The following NFATC2 variants were observed in gnomAD, a reference collection of about 807,000 sequenced individuals.
NFATC2 encodes the protein nuclear factor of activated T cells 2.
In NFATC2, 22 loss-of-function variants were observed where a neutral mutation model predicts 87.3. The ratio of observed to expected loss-of-function variants is 0.25; its 90% CI spans 0.18 to 0.36. The LOEUF (loss-of-function observed/expected upper bound fraction) is 0.36. NFATC2 is among the 10% of genes least tolerant of loss of function. The pLI, the probability that NFATC2 is intolerant of heterozygous loss-of-function variation, is 1.00. For synonymous variants in NFATC2, 565 were observed against 542.2 expected (o/e 1.04, Z -0.58); for missense variants, 1,149 against 1,259.1 (o/e 0.91, Z 1.32).
Position 51,523,403 on chromosome 20 carries a change from A to T in NFATC2, c.838T>A (p.Ser280Thr), listed in dbSNP as rs370143059. Residue 280 changes from serine (S) to threonine (T), a missense_variant, in exon 2 of 11, where the codon TCA becomes ACA. By Grantham distance (58) the Ser-to-Thr change is moderately conservative. Coordinates refer to ENST00000371564, the MANE Select transcript of NFATC2 (RefSeq NM_012340.5). The surrounding 1 kb of genome is among the most constrained non-coding windows in gnomAD (Gnocchi z 6.9). The stretch of plus-strand genomic sequence containing the variant: ...TGGTCCTGGGGTGCCACGTGAGATG[A>T]GGGCTGCGGCGAGGGGCTCCGGGAG... ...QRSRSPSPQP[S>T]SHVAPQDHGS... The T allele has an allele frequency of 8.3e-5, 133 of 1,608,594 alleles. No homozygotes were observed. The highest frequency in any genetic ancestry group is 1.0e-4 in the Non-Finnish European group (123 of 1,177,280).
intron 3 of NFATC2, among the ~76,000 whole-genome samples, chr20:51,487,041 A>G (rs143568508): frequency 1.6e-3 from 246 of 152,340 alleles, no homozygotes; most frequent in Admixed American, 2.8e-3. Flanking sequence ...CCTGCTGCCA[A>G]GTGTTTACCC....
intron 5 of NFATC2, among the ~76,000 whole-genome samples, chr20:51,471,986 C>T (rs544682632): frequency 3.3e-5 from 5 of 152,300 alleles, no homozygotes; most frequent in African/African-American, 9.6e-5. Flanking sequence ...GGTGTGGTGG[C>T]TCACACCTGC....
chr20:51,492,392 T>C (rs1281239593), intron 3 of NFATC2, among the ~76,000 whole-genome samples: 1 of 152,168 alleles, frequency 6.6e-6, no homozygotes, highest in African/African-American at 2.4e-5. Flanking sequence ...CGGCATGACA[T>C]GGGCACGCCA....
chr20:51,481,893 T>C (rs1342239301), intron 3 of NFATC2, among the ~76,000 whole-genome samples: 1 of 152,178 alleles, frequency 6.6e-6, no homozygotes, highest in African/African-American at 2.4e-5. Flanking sequence ...ACACAGTGTA[T>C]TGGGATCGCT....
At position 51,387,954 on chromosome 20, in the gene NFATC2, C is replaced by G. The variant is rs1302028862; in HGVS notation, c.*3542G>C. 6.8e-6 allele frequency: 1 copy of G among 146,328 alleles called. No individual in the cohort carries two copies. Among genetic ancestry groups the G allele is most frequent in the Non-Finnish European group, 1.5e-5 (1 of 67,382 alleles). The allele number at this position is 146,328 out of a possible 1,614,324, so 9.1% of individuals were successfully genotyped here. A position where few individuals can be genotyped will look rare whatever the true frequency, so the allele number is the denominator to read the frequency against. ...CAACTTCCAATCTGCCTAAATGTGA[C>G]AGCCTCTGCCCAAGACTGGCTCACT... On this transcript the variant is annotated 3_prime_UTR_variant, in exon 11 of 11. Coordinates refer to ENST00000371564, the MANE Select transcript of NFATC2 (RefSeq NM_012340.5).
In NFATC2 at chr20:51,523,500, C is replaced by T. The variant is rs35195881; in HGVS notation, c.741G>A (p.Ser247=). 37,682 of 1,612,664 alleles carry T rather than the reference C, an allele frequency of 0.023. 1,734 individuals carry two copies. The highest frequency in any genetic ancestry group is 0.19 in the African/African-American group (14,456 of 74,924). Residue 247 remains serine, a synonymous_variant, in exon 2 of 11, where the codon TCG becomes TCA. Transcript: ENST00000371564. This position sits in a 1 kb window ranked among gnomAD's most constrained non-coding sequence, Gnocchi z 6.9. Reference sequence around the variant, plus strand: ...ACGAATGCCTCCGCTTGGCACCAGGCGATGAGGAGCGGGAGGCCGGACGGG... The same window carrying T: ...ACGAATGCCTCCGCTTGGCACCAGGTGATGAGGAGCGGGAGGCCGGACGGG... ...PVPRPASRSS[S]PGAKRRHSCA...
Position 51,516,822 on chromosome 20 carries a change from C to T in NFATC2, c.1294G>A (p.Ala432Thr). The part of the protein sequence containing the change: ...AHYETEGSRG[A>T]VKAPTGGHPV... The stretch of plus-strand genomic sequence containing the variant: ...TGGCCTCCAGTTGGAGCTTTGACAG[C>T]CCCTCGGCTGCCTTCTGTCTCATAG... The change falls in exon 3 of 11, where the codon GCT becomes ACT. Residue 432 changes from alanine to threonine, a missense_variant. This residue lies in a region of NFATC2 where 581 missense variants were observed against 649.7 expected (regional missense o/e 0.89). Coordinates refer to ENST00000371564, the MANE Select transcript of NFATC2 (RefSeq NM_012340.5). The T allele has an allele frequency of 6.2e-7, 1 of 1,613,444 alleles. No homozygotes were observed. The highest frequency in any genetic ancestry group is 8.5e-7 in the Non-Finnish European group (1 of 1,179,540).
chr20:51,458,408 G>T (rs976628137), intron 5 of NFATC2, among the ~76,000 whole-genome samples: 1 of 152,132 alleles, frequency 6.6e-6, no homozygotes, highest in South Asian at 2.1e-4. Context: ...GGGAAGAGGG[G>T]TGCAAAATCA....
At chr20:51,539,602 G>A (rs2076773485) in intron 1 of NFATC2, among the ~76,000 whole-genome samples, 1 of 152,180 alleles carries the variant, frequency 6.6e-6, no homozygotes, top group Admixed American at 6.5e-5. Context: ...TCCTACCTAA[G>A]CCTCCGAGTA....
At chr20:51,532,408 G>A (rs1188625987) in intron 1 of NFATC2, among the ~76,000 whole-genome samples, 1 of 152,060 alleles carries the variant, frequency 6.6e-6, no homozygotes, top group Non-Finnish European at 1.5e-5. Flanking sequence ...AGGGAAGCAA[G>A]GATCCCCCCC....
intron 1 of NFATC2, among the ~76,000 whole-genome samples, chr20:51,556,671 GC>G (rs1450875928): frequency 1.3e-5 from 2 of 151,394 alleles, no homozygotes; most frequent in African/African-American, 4.9e-5. Context: ...CAGATAGGAA[GC>G]CTCACTCAAG....
chr20:51,562,419 G>A lies in NFATC2; in HGVS notation c.70+141C>T, dbSNP rs2077040752. The stretch of plus-strand genomic sequence containing the variant: ...CGCCCCTCCGCGGGCCCCGCTACCT[G>A]TGCGCCGAGGGCGAGCGGGGTCCCC... On this transcript the variant is annotated intron_variant, in intron 1 of 10. Transcript: ENST00000414705. The surrounding 1 kb of genome is among the most constrained non-coding windows in gnomAD (Gnocchi z 5.8). The A allele has an allele frequency of 2.7e-6, 2 of 730,478 alleles. No homozygotes were observed. The highest frequency in any genetic ancestry group is 2.7e-5 in the Admixed American group (1 of 36,858). 45.2% of individuals were successfully genotyped at this position (730,478 alleles called of 1,614,324 possible).
At chr20:51,509,155 C>T (rs1600904836) in intron 3 of NFATC2, among the ~76,000 whole-genome samples, 1 of 152,158 alleles carries the variant, frequency 6.6e-6, no homozygotes. Context: ...TCCTTCTTTG[C>T]CCAAATGTGG....
At chr20:51,410,117 G>A (rs1978966269) in intron 9 of NFATC2, among the ~76,000 whole-genome samples, 1 of 151,236 alleles carries the variant, frequency 6.6e-6, no homozygotes, top group African/African-American at 2.4e-5. Flanking sequence ...GGCTGAGGCA[G>A]GAGAATGGCG....
rs137958328 is a variant in NFATC2, at chr20:51,497,602, T to G, written c.1332+19182A>C. Among the ~76,000 whole-genome samples, 1,105 of 152,264 alleles carry G rather than the reference T, an allele frequency of 7.3e-3. 6 individuals are homozygous for G. The highest frequency in any genetic ancestry group is 0.012 in the Non-Finnish European group (804 of 68,018). On this transcript the variant is annotated intron_variant, in intron 3 of 10. Transcript: ENST00000371564. Reference sequence around the variant, plus strand: ...CCACGCCTCCCCCCATGATAGACGTTCGCCTGAGCCCAGCCTCTGCAGCCA... The same window carrying G: ...CCACGCCTCCCCCCATGATAGACGTGCGCCTGAGCCCAGCCTCTGCAGCCA...
At chr20:51,471,938 A>G (rs1988244087) in intron 5 of NFATC2, among the ~76,000 whole-genome samples, 1 of 152,204 alleles carries the variant, frequency 6.6e-6, no homozygotes, top group African/African-American at 2.4e-5. Flanking sequence ...ACAAACCTGT[A>G]CATCCTACAC....
At chr20:51,445,495 A>G (rs1984942636) in intron 6 of NFATC2, among the ~76,000 whole-genome samples, 1 of 152,190 alleles carries the variant, frequency 6.6e-6, no homozygotes, top group East Asian at 1.9e-4. Flanking sequence ...GCAGAAAACA[A>G]CGAATACCTT....
chr20:51,443,057 C>T (rs886906229), intron 6 of NFATC2, among the ~76,000 whole-genome samples: 3 of 152,232 alleles, frequency 2.0e-5, no homozygotes, highest in African/African-American at 7.2e-5. Flanking sequence ...CCAACAGCCA[C>T]ACCTGCCTAT....
chr20:51,395,991 G>A (rs1246442509), intron 10 of NFATC2, among the ~76,000 whole-genome samples: 1 of 145,442 alleles, frequency 6.9e-6, no homozygotes, highest in Non-Finnish European at 1.5e-5. Context: ...AAAACAGGCT[G>A]GGGGCCAGGA....
Sources: gnomAD v4.1 joint callset for allele counts (sites outside exome capture counted in the v4.1 genomes callset) on GRCh38, gnomAD v4.1.1 for gene constraint, gnomAD v4.1.1 regional missense constraint, Gnocchi (gnomAD v3.1) non-coding constraint, MANE v1.5 for transcripts, NCBI Gene and HGNC (gene_info 2026-07-23, HGNC 2026-07-21) for gene names.